The following SLC9C1 variants were observed in gnomAD, a reference collection of about 807,000 sequenced individuals.
SLC9C1 encodes solute carrier family 9 member C1, also known as sodium/hydrogen exchanger 10.
Under a neutral mutation model 140.9 loss-of-function variants are expected in SLC9C1, and 97 were observed. That is an observed-to-expected ratio of 0.69 (90% CI 0.58 to 0.82). The LOEUF (loss-of-function observed/expected upper bound fraction) is 0.82. Ranked by LOEUF, SLC9C1 falls within the 40% of genes least tolerant of loss-of-function variation. The probability of loss-of-function intolerance (pLI) is 0.00; values close to 1 mark genes in which losing one functional copy is unlikely to be tolerated. For synonymous variants in SLC9C1, 440 were observed against 442.6 expected, an observed-to-expected ratio of 0.99 and a Z score of 0.07; for missense variants, 1,340 against 1,389.3, an observed-to-expected ratio of 0.96 and a Z score of 0.56.
intron 10 of SLC9C1, among the ~76,000 whole-genome samples, chr3:112,250,904 A>G (rs1369855603): frequency 6.6e-6 from 1 of 152,196 alleles, no homozygotes; most frequent in Non-Finnish European, 1.5e-5. Flanking sequence ...ATCTAAGAGA[A>G]TATAAATTGT....
chr3:112,199,360 T>G lies in SLC9C1; in HGVS notation c.2484A>C (p.Lys828Asn). 1 of 1,591,246 alleles carries G rather than the reference T, an allele frequency of 6.3e-7. No homozygotes were observed. Among genetic ancestry groups the G allele is most frequent in the Non-Finnish European group, 8.5e-7 (1 of 1,171,252 alleles). The change falls in exon 20 of 29, where the codon AAA becomes AAC. Residue 828 changes from lysine (K) to asparagine (N), a missense_variant. By Grantham distance (94) the Lys-to-Asn change is moderately conservative (BLOSUM62 0). Transcript: ENST00000305815. Reference protein sequence around the residue: ...ATEILKAFGLKGIISKTEGAG... With the variant: ...ATEILKAFGLNGIISKTEGAG... ...CACCTTCAGTTTTACTAATAATTCC[T>G]TTTAAGCCAAAAGCCTTAAGAATTT...
intron 12 of SLC9C1, 126 bp downstream of exon 12, chr3:112,239,714 G>A: frequency 1.0e-6 from 1 of 971,792 alleles, no homozygotes; most frequent in Non-Finnish European, 1.5e-6. Flanking sequence ...GTTAAATAGA[G>A]TTATTAACAT....
intron 15 of SLC9C1, among the ~76,000 whole-genome samples, chr3:112,210,905 G>T (rs2108074357): frequency 6.6e-6 from 1 of 152,120 alleles, no homozygotes; most frequent in South Asian, 2.1e-4. Flanking sequence ...AAAGGATGCA[G>T]CTAAGGTTTA....
At chr3:112,269,447 C>T (rs551683754) in intron 7 of SLC9C1, among the ~76,000 whole-genome samples, 3 of 152,276 alleles carry the variant, frequency 2.0e-5, no homozygotes, top group South Asian at 4.1e-4. Context: ...AATTTAATTG[C>T]ATCATGTTTG....
At chr3:112,267,575 C>A (rs1308062385) in intron 7 of SLC9C1, among the ~76,000 whole-genome samples, 95 of 56,828 alleles carry the variant, frequency 1.7e-3, no homozygotes, top group East Asian at 0.012. Flanking sequence ...GACTCCGTCT[C>A]AAAAAAAAAA....
intron 16 of SLC9C1, among the ~76,000 whole-genome samples, chr3:112,207,942 T>G (rs1006596900): frequency 2.6e-5 from 4 of 152,194 alleles, no homozygotes; most frequent in African/African-American, 9.6e-5. Flanking sequence ...TTGTGTCCCT[T>G]TGACACACAC....
In SLC9C1 at chr3:112,208,374, C is replaced by T. The variant is rs561772337; in HGVS notation, c.1791-1G>A. 1.3e-6 allele frequency: 2 copies of T among 1,528,274 alleles called. No homozygotes were observed. The highest frequency in any genetic ancestry group is 2.3e-5 in the East Asian group (1 of 43,564). 94.7% of individuals were successfully genotyped at this position (1,528,274 alleles called of 1,614,324 possible). The stretch of plus-strand genomic sequence containing the variant: ...ATGGCATATACGAAAAAAGAAGTAT[C>T]TGTAAAACAAAAAGACAGTTTTATC... On this transcript the variant is annotated splice_acceptor_variant, in intron 15 of 28. Transcript: ENST00000305815. LOFTEE classifies it high-confidence loss of function.
chr3:112,144,447 C>T (rs1258550388), intron 28 of SLC9C1, among the ~76,000 whole-genome samples: 1 of 152,002 alleles, frequency 6.6e-6, no homozygotes, highest in Non-Finnish European at 1.5e-5. Flanking sequence ...AGGTGTGAGC[C>T]ACCACACCCG....
intron 19 of SLC9C1, 117 bp from the exon 20 acceptor site, chr3:112,199,586 A>T: frequency 1.5e-6 from 1 of 679,554 alleles, no homozygotes; most frequent in Non-Finnish European, 2.2e-6. Flanking sequence ...AACACAGAGA[A>T]ATGTATCTCT....
intron 26 of SLC9C1, among the ~76,000 whole-genome samples, chr3:112,160,982 T>C (rs969853561): frequency 9.3e-4 from 142 of 152,326 alleles, no homozygotes; most frequent in Non-Finnish European, 4.0e-4. Flanking sequence ...TGAGATGGTA[T>C]CTCATTGTGG....
At chr3:112,212,496 T>C (rs2078236803) in intron 15 of SLC9C1, among the ~76,000 whole-genome samples, 3 of 152,066 alleles carry the variant, frequency 2.0e-5, no homozygotes, top group Non-Finnish European at 4.4e-5. Context: ...ATAACCAGTG[T>C]AGAGAAGTCC....
chr3:112,162,405 G>A (rs1459409443), intron 26 of SLC9C1, among the ~76,000 whole-genome samples: 1 of 152,056 alleles, frequency 6.6e-6, no homozygotes, highest in Admixed American at 6.5e-5. Context: ...TTGGCTGTGG[G>A]TTTGTCATAG....
intron 23 of SLC9C1, among the ~76,000 whole-genome samples, chr3:112,173,256 A>C (rs1378521760): frequency 6.6e-6 from 1 of 152,152 alleles, no homozygotes; most frequent in African/African-American, 2.4e-5. Context: ...TCCTTAAGTA[A>C]ATTTTGACGT....
At chr3:112,155,126 T>G in intron 26 of SLC9C1, 77 bp from the exon 27 acceptor site, 1 of 1,262,262 alleles carries the variant, frequency 7.9e-7, no homozygotes, top group Non-Finnish European at 1.1e-6. Flanking sequence ...AACTATCAGA[T>G]TAGATCAGAT....
intron 20 of SLC9C1, among the ~76,000 whole-genome samples, chr3:112,183,396 A>T: frequency 8.0e-6 from 1 of 125,658 alleles, no homozygotes. Context: ...AACAGACTTT[A>T]TTGAAGTATT....
At chr3:112,207,022 T>C (rs2078071928) in intron 16 of SLC9C1, among the ~76,000 whole-genome samples, 1 of 152,022 alleles carries the variant, frequency 6.6e-6, no homozygotes. Context: ...TTTAGACATG[T>C]TAAAGTATAT....
chr3:112,205,694 T>C (rs2078027454), intron 16 of SLC9C1, among the ~76,000 whole-genome samples: 2 of 122,440 alleles, frequency 1.6e-5, no homozygotes, highest in Non-Finnish European at 3.5e-5. Context: ...TCAGAAATAA[T>C]GCTGCATATC....
At chr3:112,156,796 C>T (rs1246484293) in intron 26 of SLC9C1, among the ~76,000 whole-genome samples, 5 of 151,770 alleles carry the variant, frequency 3.3e-5, no homozygotes, top group African/African-American at 1.2e-4. Flanking sequence ...AGCATTTTTT[C>T]GTCTATCTGT....
intron 2 of SLC9C1, among the ~76,000 whole-genome samples, chr3:112,283,994 C>T (rs1462869449): frequency 6.6e-6 from 1 of 152,058 alleles, no homozygotes; most frequent in African/African-American, 2.4e-5. Flanking sequence ...TCCGCGACCC[C>T]AAGGATTAAA....
Sources: gnomAD v4.1 joint callset for allele counts (sites outside exome capture counted in the v4.1 genomes callset) on GRCh38, gnomAD v4.1.1 for gene constraint, MANE v1.5 for transcripts, NCBI Gene and HGNC (gene_info 2026-07-23, HGNC 2026-07-21) for gene names.